The following RALGPS1 variants were observed in gnomAD, a reference collection of about 807,000 sequenced individuals.
The protein encoded by RALGPS1 is Ral GEF with PH domain and SH3 binding motif 1.
RALGPS1 carries 19 observed loss-of-function variants against 78.8 expected under a neutral mutation model. The ratio of observed to expected loss-of-function variants is 0.24; its 90% CI spans 0.17 to 0.35. The LOEUF is 0.35. RALGPS1 is among the 10% of genes least tolerant of loss of function. RALGPS1 has a pLI of 1.00. For synonymous variants in RALGPS1, 228 were observed against 256.3 expected, an observed-to-expected ratio of 0.89 and a Z score of 1.06; for missense variants, 454 against 688.3, an observed-to-expected ratio of 0.66 and a Z score of 3.81.
intron 8 of RALGPS1, among the ~76,000 whole-genome samples, chr9:127,107,649 C>A (rs1564592363): frequency 6.6e-6 from 1 of 152,194 alleles, no homozygotes; most frequent in Non-Finnish European, 1.5e-5. Context: ...GGGTTCTTTC[C>A]TGTCAGAAAC....
At chr9:127,157,360 A>G (rs560698553) in intron 8 of RALGPS1, among the ~76,000 whole-genome samples, 3 of 152,184 alleles carry the variant, frequency 2.0e-5, no homozygotes, top group Admixed American at 2.0e-4. Context: ...CTGAATTACC[A>G]AAGTGTTACA....
intron 1 of RALGPS1, among the ~76,000 whole-genome samples, chr9:126,936,912 A>C (rs2036318262): frequency 6.6e-6 from 1 of 150,490 alleles, no homozygotes; most frequent in Admixed American, 6.6e-5. Context: ...CAGTGGCATG[A>C]TACTGTCTCA....
intron 4 of RALGPS1, among the ~76,000 whole-genome samples, chr9:126,997,858 C>T (rs1490923814): frequency 1.3e-5 from 2 of 152,028 alleles, no homozygotes; most frequent in African/African-American, 4.8e-5. Context: ...CCCTCAGAAA[C>T]AATGCTTCGT....
intron 11 of RALGPS1, among the ~76,000 whole-genome samples, chr9:127,189,025 A>C (rs1256596448): frequency 2.4e-5 from 3 of 122,892 alleles, no homozygotes; most frequent in Non-Finnish European, 5.2e-5. Flanking sequence ...AAAAAAAAAA[A>C]AACCCCATTG....
chr9:127,104,378 C>T (rs2054020488), intron 8 of RALGPS1, among the ~76,000 whole-genome samples: 1 of 152,230 alleles, frequency 6.6e-6, no homozygotes, highest in Non-Finnish European at 1.5e-5. Flanking sequence ...TCCCAGAACC[C>T]AGGTGCCTGC....
chr9:127,000,049 G>T (rs2043145656), intron 4 of RALGPS1, among the ~76,000 whole-genome samples: 1 of 152,148 alleles, frequency 6.6e-6, no homozygotes, highest in Admixed American at 6.5e-5. Context: ...GATCTGTCAT[G>T]ATGTCCCCTG....
chr9:127,124,097 A>G (rs894433056), intron 8 of RALGPS1, among the ~76,000 whole-genome samples: 24 of 152,164 alleles, frequency 1.6e-4, no homozygotes, highest in African/African-American at 5.8e-4. Context: ...AATCTCTCCC[A>G]GTCCCCAAGG....
chr9:127,088,986 T>C, intron 8 of RALGPS1: 1 of 1,614,148 alleles, frequency 6.2e-7, no homozygotes, highest in Non-Finnish European at 8.5e-7. Flanking sequence ...ACCACTTTCT[T>C]GAGTGAGTAA....
At chr9:126,948,334 G>A (rs933622565) in intron 1 of RALGPS1, among the ~76,000 whole-genome samples, 1 of 152,072 alleles carries the variant, frequency 6.6e-6, no homozygotes, top group African/African-American at 2.4e-5. Flanking sequence ...TGGCCAATAT[G>A]GTGAAACTCT....
chr9:126,969,379 C>CTATA (rs1194762973), intron 3 of RALGPS1, among the ~76,000 whole-genome samples: 1 of 152,184 alleles, frequency 6.6e-6, no homozygotes, highest in African/African-American at 2.4e-5. Flanking sequence ...ATAGCTCAGA[C>CTATA]TATAGGCTTG....
intron 12 of RALGPS1, 90 bp downstream of exon 12, chr9:127,195,307 T>C: frequency 1.3e-6 from 2 of 1,504,640 alleles, no homozygotes; most frequent in Non-Finnish European, 1.8e-6. Flanking sequence ...GCTGGCTGGG[T>C]CCCTCCCCTG....
intron 4 of RALGPS1, among the ~76,000 whole-genome samples, chr9:126,982,860 T>TC (rs1564360106): frequency 1.9e-4 from 23 of 118,322 alleles, no homozygotes; most frequent in South Asian, 8.3e-4. Flanking sequence ...TCCTCCTCCT[T>TC]CTTCTTCTTC....
intron 10 of RALGPS1, among the ~76,000 whole-genome samples, chr9:127,173,692 T>C (rs763763757): frequency 1.1e-4 from 16 of 152,172 alleles, no homozygotes; most frequent in Non-Finnish European, 2.4e-4. Flanking sequence ...CATCTGATCA[T>C]GGGGAGTGCA....
intron 8 of RALGPS1, among the ~76,000 whole-genome samples, chr9:127,156,602 A>G (rs145881644): frequency 2.4e-3 from 366 of 152,148 alleles, no homozygotes; most frequent in African/African-American, 8.6e-3. Context: ...CATTATTTGC[A>G]TTTATTGTAG....
At chr9:126,989,475 GCTGTGGGCCTGGA>G (rs1378014033) in intron 4 of RALGPS1, among the ~76,000 whole-genome samples, 3 of 152,194 alleles carry the variant, frequency 2.0e-5, no homozygotes, top group Non-Finnish European at 2.9e-5. Flanking sequence ...CTGAAGACAA[GCTGTGGGCCTGGA>G]CTGTGGGCCT....
At chr9:127,187,886 CT>C (rs1287401639) in intron 11 of RALGPS1, among the ~76,000 whole-genome samples, 2 of 152,130 alleles carry the variant, frequency 1.3e-5, no homozygotes, top group African/African-American at 4.8e-5. Context: ...AGCAGAGTTT[CT>C]TCCCCCGGGG....
chr9:126,972,302 A>G (rs569075907), intron 3 of RALGPS1, among the ~76,000 whole-genome samples: 109 of 152,212 alleles, frequency 7.2e-4, no homozygotes, highest in Non-Finnish European at 1.4e-3. Context: ...GCAGTTTATA[A>G]TCTTAAAAAC....
chr9:126,918,892 A>G (rs967815461), intron 1 of RALGPS1, among the ~76,000 whole-genome samples: 12 of 151,628 alleles, frequency 7.9e-5, no homozygotes, highest in Non-Finnish European at 7.4e-5. Context: ...CTGGTCTTGA[A>G]CTGCAGACCT....
intron 4 of RALGPS1, among the ~76,000 whole-genome samples, chr9:126,982,441 A>C (rs2041332313): frequency 6.6e-6 from 1 of 152,182 alleles, no homozygotes; most frequent in African/African-American, 2.4e-5. Context: ...CATAGGGTTT[A>C]TTTGGAGAAT....
Sources: gnomAD v4.1 joint callset for allele counts (sites outside exome capture counted in the v4.1 genomes callset) on GRCh38, gnomAD v4.1.1 for gene constraint, MANE v1.5 for transcripts, NCBI Gene and HGNC (gene_info 2026-07-23, HGNC 2026-07-21) for gene names.